The following TSPAN2 variants were observed in gnomAD, a reference collection of about 807,000 sequenced individuals.
The protein encoded by TSPAN2 is tetraspanin-2.
In TSPAN2, 24 loss-of-function variants were observed where a neutral mutation model predicts 33.3. That is an observed-to-expected ratio of 0.72 (90% CI 0.52 to 1.01). The LOEUF is 1.01. Ranked by LOEUF, TSPAN2 falls within the 50% of genes least tolerant of loss-of-function variation. TSPAN2 has a pLI of 0.00. For synonymous variants in TSPAN2, 114 were observed against 104.5 expected (o/e 1.09, Z -0.56); for missense variants, 278 against 281.3 (o/e 0.99, Z 0.08).
At chr1:115,086,465 T>C (rs1254215870) in intron 1 of TSPAN2, among the ~76,000 whole-genome samples, 1 of 152,230 alleles carries the variant, frequency 6.6e-6, no homozygotes, top group Admixed American at 6.5e-5. Flanking sequence ...CCTTCCAGGT[T>C]TAGCTCGAAT....
At chr1:115,052,201 C>T (rs117334039) in intron 7 of TSPAN2, among the ~76,000 whole-genome samples, 3 of 152,296 alleles carry the variant, frequency 2.0e-5, no homozygotes, top group East Asian at 3.9e-4. Context: ...TTTGGAGGGC[C>T]TCAGCAGAGT....
intron 3 of TSPAN2, among the ~76,000 whole-genome samples, chr1:115,061,319 CTCT>C (rs1394640788): frequency 1.3e-5 from 2 of 152,194 alleles, no homozygotes; most frequent in Non-Finnish European, 2.9e-5. Context: ...CCTCCTGCCC[CTCT>C]TCTTCCTTTC....
intron 4 of TSPAN2, among the ~76,000 whole-genome samples, chr1:115,059,528 A>G (rs912584433): frequency 2.0e-5 from 3 of 152,240 alleles, no homozygotes; most frequent in African/African-American, 4.8e-5. Flanking sequence ...GGACTTATAC[A>G]TTCCTGTTAC....
At chr1:115,062,075 C>A in intron 3 of TSPAN2, 60 bp downstream of exon 3, 1 of 1,415,090 alleles carries the variant, frequency 7.1e-7, no homozygotes, top group Non-Finnish European at 9.7e-7. Context: ...CACTGACTCC[C>A]TTCAGATGCA....
At position 115,058,869 on chromosome 1, in the gene TSPAN2, G is replaced by A; in HGVS notation, c.444+14C>T. Reference sequence around the variant, plus strand: ...TAGAAGCTGTGATTTTAAGGAAGAAGTGAAGTTACTCACTGTTGAGTGGAA... The same window carrying A: ...TAGAAGCTGTGATTTTAAGGAAGAAATGAAGTTACTCACTGTTGAGTGGAA... On this transcript the variant is annotated intron_variant, in intron 5 of 7. Transcript: ENST00000369516. 1 of 1,578,022 alleles carries A rather than the reference G, an allele frequency of 6.3e-7. No homozygotes were observed. The highest frequency in any genetic ancestry group is 1.1e-5 in the South Asian group (1 of 90,326).
At chr1:115,078,633 AAGCCCTCACCAGGG>A (rs1447102350) in intron 1 of TSPAN2, among the ~76,000 whole-genome samples, 4 of 152,140 alleles carry the variant, frequency 2.6e-5, no homozygotes, top group Admixed American at 2.6e-4. Flanking sequence ...AGCTGTCCAC[AAGCCCTCACCAGGG>A]AGCCCTCACC....
At chr1:115,050,686 AT>A in intron 7 of TSPAN2, 131 bp from the exon 8 acceptor site, 1 of 718,306 alleles carries the variant, frequency 1.4e-6, no homozygotes, top group Non-Finnish European at 2.4e-6. Context: ...CACAAATGAC[AT>A]TTTAGTATGT....
At chr1:115,080,728 T>C (rs1648593333) in intron 1 of TSPAN2, among the ~76,000 whole-genome samples, 1 of 152,224 alleles carries the variant, frequency 6.6e-6, no homozygotes, top group South Asian at 2.1e-4. Context: ...GAACTCAATG[T>C]CTGCCTTACT....
chr1:115,084,233 A>G (rs928689344), intron 1 of TSPAN2, among the ~76,000 whole-genome samples: 2 of 152,220 alleles, frequency 1.3e-5, no homozygotes, highest in African/African-American at 4.8e-5. Flanking sequence ...AACCTTACAT[A>G]TATTAACTCA....
rs1675284118 is a variant in TSPAN2, at chr1:115,050,464, A to G, written c.*26T>C. ...GTGACATTTGGTATGAAAGCTTTAG[A>G]TTGCAATTTTCATGTAGAAGTAGCT... On this transcript the variant is annotated 3_prime_UTR_variant, in exon 8 of 8. Coordinates refer to ENST00000369516, the MANE Select transcript of TSPAN2 (RefSeq NM_005725.6). The G allele has an allele frequency of 6.2e-7, 1 of 1,606,784 alleles. No homozygotes were observed. Among genetic ancestry groups the G allele is most frequent in the Middle Eastern group, 1.7e-4 (1 of 6,050 alleles).
chr1:115,084,781 T>C (rs1279623793), intron 1 of TSPAN2, among the ~76,000 whole-genome samples: 1 of 151,988 alleles, frequency 6.6e-6, no homozygotes, highest in Non-Finnish European at 1.5e-5. Context: ...ATGAGATTCA[T>C]GTGAGTCAAA....
chr1:115,081,508 T>G (rs1648621628), intron 1 of TSPAN2, among the ~76,000 whole-genome samples: 1 of 152,206 alleles, frequency 6.6e-6, no homozygotes, highest in Non-Finnish European at 1.5e-5. Flanking sequence ...AATAAACACA[T>G]GCGTGCATAC....
At chr1:115,081,395 G>A (rs1648617960) in intron 1 of TSPAN2, among the ~76,000 whole-genome samples, 1 of 152,212 alleles carries the variant, frequency 6.6e-6, no homozygotes. Flanking sequence ...CCATTACGAT[G>A]TGGAGGACAG....
chr1:115,063,543 G>C (rs1156643334), intron 2 of TSPAN2, among the ~76,000 whole-genome samples: 1 of 152,340 alleles, frequency 6.6e-6, no homozygotes, highest in Admixed American at 6.5e-5. Context: ...ACTACCACTC[G>C]ACCCGGCAAT....
Position 115,083,358 on chromosome 1 carries a change from T to C in TSPAN2, c.69+6006A>G, listed in dbSNP as rs112029621. 8.1e-4 allele frequency among the ~76,000 whole-genome samples: 124 copies of C among 152,340 alleles called. 2 individuals are homozygous for C. Among genetic ancestry groups the C allele is most frequent in the African/African-American group, 2.8e-3 (116 of 41,574 alleles). ...GAACAATGGACAGGTGGCCTCCCGG[T>C]AATTCCAGAAAGCATCAAGTATTAG... On this transcript the variant is annotated intron_variant, in intron 1 of 7. Coordinates refer to ENST00000369516, the MANE Select transcript of TSPAN2 (RefSeq NM_005725.6).
At chr1:115,084,965 G>T (rs1452172664) in intron 1 of TSPAN2, among the ~76,000 whole-genome samples, 1 of 152,226 alleles carries the variant, frequency 6.6e-6, no homozygotes. Flanking sequence ...CTTCCTGTGG[G>T]TCAGTAACGC....
intron 1 of TSPAN2, among the ~76,000 whole-genome samples, chr1:115,086,418 G>A (rs1337979024): frequency 1.3e-5 from 2 of 152,204 alleles, no homozygotes; most frequent in East Asian, 1.9e-4. Flanking sequence ...TGGATGGTGC[G>A]TCACCCCCTC....
intron 2 of TSPAN2, among the ~76,000 whole-genome samples, chr1:115,065,452 C>G (rs1024906523): frequency 1.3e-5 from 2 of 152,212 alleles, no homozygotes; most frequent in Admixed American, 1.3e-4. Flanking sequence ...TTTCCGAGTC[C>G]TATTGCCTTT....
chr1:115,067,607 C>A (rs891611795), intron 2 of TSPAN2, among the ~76,000 whole-genome samples: 2 of 151,998 alleles, frequency 1.3e-5, no homozygotes, highest in Non-Finnish European at 2.9e-5. Context: ...CAAGCCACCC[C>A]CTTGGTGTTC....
Sources: gnomAD v4.1 joint callset for allele counts (sites outside exome capture counted in the v4.1 genomes callset) on GRCh38, gnomAD v4.1.1 for gene constraint, MANE v1.5 for transcripts, NCBI Gene and HGNC (gene_info 2026-07-23, HGNC 2026-07-21) for gene names.